MTR: variants seen among roughly 807,000 people sequenced by gnomAD.
MTR encodes methionine synthase.
MTR carries 84 observed loss-of-function variants against 154.8 expected under a neutral mutation model. The ratio of observed to expected loss-of-function variants is 0.54; its 90% confidence interval spans 0.45 to 0.65. The LOEUF is 0.65. MTR is among the 30% of genes least tolerant of loss of function. The pLI, the probability that MTR is intolerant of heterozygous loss-of-function variation, is 0.00. For synonymous variants in MTR, 554 were observed against 553.9 expected, an observed-to-expected ratio of 1.00 and a Z score of 0.00; for missense variants, 1,275 against 1,570.2, an observed-to-expected ratio of 0.81 and a Z score of 3.18.
chr1:236,827,155 G>C (rs755649194), intron 11 of MTR, among the ~76,000 whole-genome samples: 12 of 152,204 alleles, frequency 7.9e-5, no homozygotes, highest in Non-Finnish European at 1.5e-4. Flanking sequence ...TGCGCACACA[G>C]AGGCAAGCAA....
intron 13 of MTR, among the ~76,000 whole-genome samples, chr1:236,835,244 G>C (rs1222590344): frequency 6.6e-6 from 1 of 152,056 alleles, no homozygotes; most frequent in Non-Finnish European, 1.5e-5. Flanking sequence ...GGGAAGTTCA[G>C]CTGGGTAAGA....
chr1:236,897,314 A>ACACACACACACACACACACACACACACC (rs1666712102), intron 32 of MTR, among the ~76,000 whole-genome samples, 196 bp downstream of exon 32: 1 of 80,836 alleles, frequency 1.2e-5, no homozygotes, highest in Non-Finnish European at 2.9e-5. Context: ...ACACACGCAC[A>ACACACACACACACACACACACACACACC]CACACACACA....
intron 10 of MTR, among the ~76,000 whole-genome samples, chr1:236,826,553 C>T (rs1558290340): frequency 6.6e-6 from 1 of 152,200 alleles, no homozygotes; most frequent in Non-Finnish European, 1.5e-5. Flanking sequence ...GCCTTTGCCT[C>T]CCAAAGTGCT....
At chr1:236,871,562 A>T (rs1293927289) in intron 22 of MTR, among the ~76,000 whole-genome samples, 1 of 152,206 alleles carries the variant, frequency 6.6e-6, no homozygotes, top group African/African-American at 2.4e-5. Context: ...GTCTTGATTT[A>T]AAAGCAGTAT....
intron 12 of MTR, 68 bp from the exon 13 acceptor site, chr1:236,831,898 T>A: frequency 9.1e-7 from 1 of 1,101,926 alleles, no homozygotes; most frequent in East Asian, 2.4e-5. Flanking sequence ...TGAATACATT[T>A]GTGTCTGTCT....
Position 236,852,963 on chromosome 1 carries a change from G to A in MTR, c.1828G>A (p.Gly610Arg). The change falls in exon 18 of 33, where the codon GGG (glycine) becomes AGG (arginine). Residue 610 changes from glycine (G) to arginine (R), a missense_variant. By Grantham distance (125) the Gly-to-Arg change is moderately radical (BLOSUM62 -2). Transcript: ENST00000366577. ...YHAIKSGMDM[G>R]IVNAGNLPVY... The stretch of plus-strand genomic sequence containing the variant: ...TTGCCCTTAGTCTGGCATGGACATG[G>A]GGATAGTGAATGCTGGAAACCTCCC... 1 of 1,613,952 alleles carries A rather than the reference G, an allele frequency of 6.2e-7. No homozygotes were observed. The highest frequency in any genetic ancestry group is 8.5e-7 in the Non-Finnish European group (1 of 1,179,910).
intron 18 of MTR, among the ~76,000 whole-genome samples, chr1:236,858,105 A>G (rs995491651): frequency 1.3e-5 from 2 of 152,214 alleles, no homozygotes; most frequent in Non-Finnish European, 2.9e-5. Context: ...AGAGAAAGCC[A>G]GATCAGGTGT....
At position 236,855,804 on chromosome 1, in the gene MTR, C is replaced by T. The variant is rs148951170; in HGVS notation, c.1953+2716C>T. 2.1e-4 allele frequency among the ~76,000 whole-genome samples: 32 copies of T among 152,306 alleles called. 1 individual carries two copies. The East Asian group carries it at 5.4e-3, about 26-fold the overall frequency. On this transcript the variant is annotated intron_variant, in intron 18 of 32. Coordinates refer to ENST00000366577, the MANE Select transcript of MTR (RefSeq NM_000254.3). ...TTTGCTTGGTAGCTTTCTATGTAAG[C>T]TTCCACAGTGTGCCTGGGTCTGGTC...
chr1:236,845,982 G>A (rs1663548168), intron 15 of MTR, among the ~76,000 whole-genome samples: 1 of 152,180 alleles, frequency 6.6e-6, no homozygotes, highest in Non-Finnish European at 1.5e-5. Context: ...TTGCGACTAA[G>A]CAAGGCACAC....
At chr1:236,820,942 ATCT>A (rs1467527203) in intron 8 of MTR, among the ~76,000 whole-genome samples, 1 of 152,212 alleles carries the variant, frequency 6.6e-6, no homozygotes, top group Non-Finnish European at 1.5e-5. Context: ...CTATCTGTAT[ATCT>A]TCTTTGGTGA....
intron 32 of MTR, 99 bp downstream of exon 32, chr1:236,897,217 GGAT>G: frequency 1.0e-6 from 1 of 980,830 alleles, no homozygotes; most frequent in Non-Finnish European, 1.6e-6. Flanking sequence ...TGAGGGGAAA[GGAT>G]GAAGAAATTT....
At chr1:236,866,679 G>C (rs1018314663) in intron 22 of MTR, among the ~76,000 whole-genome samples, 1 of 152,172 alleles carries the variant, frequency 6.6e-6, no homozygotes, top group Admixed American at 6.5e-5. Flanking sequence ...GTTCTTAAAG[G>C]AAATCTAAAA....
At chr1:236,865,536 T>C (rs1267673076) in intron 22 of MTR, among the ~76,000 whole-genome samples, 1 of 152,218 alleles carries the variant, frequency 6.6e-6, no homozygotes, top group African/African-American at 2.4e-5. Flanking sequence ...CTTTTTATCA[T>C]TGTTGCAGTG....
In MTR at chr1:236,806,204, G is replaced by A; in HGVS notation, c.310G>A (p.Ala104Thr). ...AAATACTTTTAGCAGCACTAGTATT[G>A]CCCAAGCTGACTATGGCCTTGAACA... ...ETNTFSSTSI[A>T]QADYGLEHLA... is the part of the protein sequence containing the mutation. Residue 104 changes from alanine to threonine, a missense_variant, in exon 3 of 33, where the codon GCC becomes ACC. Transcript: ENST00000366577. 2 of 1,614,108 alleles carry A rather than the reference G, an allele frequency of 1.2e-6. No homozygotes were observed. The highest frequency in any genetic ancestry group is 8.5e-7 in the Non-Finnish European group (1 of 1,179,974).
At chr1:236,800,884 T>C (rs1660665152) in intron 1 of MTR, among the ~76,000 whole-genome samples, 1 of 152,218 alleles carries the variant, frequency 6.6e-6, no homozygotes, top group Admixed American at 6.5e-5. Context: ...TGATGTTTCC[T>C]CATCTTGCTG....
intron 12 of MTR, among the ~76,000 whole-genome samples, chr1:236,830,095 T>G (rs1472399006): frequency 6.6e-6 from 1 of 152,212 alleles, no homozygotes; most frequent in African/African-American, 2.4e-5. Context: ...GTGTCCACTT[T>G]TCTCACTCAG....
intron 4 of MTR, among the ~76,000 whole-genome samples, chr1:236,809,420 T>C (rs1297485192): frequency 2.0e-5 from 3 of 152,204 alleles, no homozygotes; most frequent in Admixed American, 6.5e-5. Flanking sequence ...AAGAAATATA[T>C]GTAGCCCCTT....
rs557862020 is a variant in MTR at position 236,819,952 on chromosome 1, G to T, written c.764+3409G>T. ...CCAGTTGCTGGCCGCTTCACTTCTGGAACCTTCACTAACCAGATCCAGGCA... is the reference window on the plus strand; with the variant it reads ...CCAGTTGCTGGCCGCTTCACTTCTGTAACCTTCACTAACCAGATCCAGGCA... On this transcript the variant is annotated intron_variant, in intron 8 of 32. Transcript: ENST00000366577. The T allele has an allele frequency of 5.1e-4, 582 of 1,143,044 alleles. 8 individuals are homozygous for T. In the South Asian group the frequency reaches 6.5e-3, roughly 13 times the overall value. The allele number at this position is 1,143,044 out of a possible 1,614,324, so 70.8% of individuals were successfully genotyped here.
intron 6 of MTR, 121 bp downstream of exon 6, chr1:236,812,965 AT>A: frequency 1.2e-6 from 1 of 810,536 alleles, no homozygotes; most frequent in Non-Finnish European, 2.1e-6. Flanking sequence ...TATTTGCTCC[AT>A]TTTATTCTTG....
Sources: gnomAD v4.1 joint callset for allele counts (sites outside exome capture counted in the v4.1 genomes callset) on GRCh38, gnomAD v4.1.1 for gene constraint, MANE v1.5 for transcripts, NCBI Gene and HGNC (gene_info 2026-07-23, HGNC 2026-07-21) for gene names.